The following APPL1 variants were observed in gnomAD, a reference collection of about 807,000 sequenced individuals.
The protein encoded by APPL1 is adaptor protein, phosphotyrosine interacting with PH domain and leucine zipper 1, also known as DCC-interacting protein 13-alpha.
A neutral mutation model predicts 106.8 loss-of-function variants in APPL1; 42 were observed. The observed-to-expected ratio is 0.39, with a 90% CI of 0.31 to 0.51. The LOEUF (loss-of-function observed/expected upper bound fraction) is 0.51. Among genes scored for constraint, APPL1 ranks in the 20% least tolerant of loss-of-function variants. APPL1 has a pLI of 0.75. For missense variants in APPL1, 769 were observed against 858.2 expected, an observed-to-expected ratio of 0.90 and a Z score of 1.30; for synonymous variants, 263 against 281.8, an observed-to-expected ratio of 0.93 and a Z score of 0.67.
At position 57,269,559 on chromosome 3, in the gene APPL1, C is replaced by T. The variant is rs1234269127; in HGVS notation, c.2002C>T (p.Arg668Trp). The change falls in exon 22 of 22, where the codon CGG (arginine) becomes TGG (tryptophan). Residue 668 changes from arginine to tryptophan, a missense_variant. Physicochemically the swap from Arg to Trp is moderately radical, Grantham distance 101 (BLOSUM62 -3). Coordinates refer to ENST00000288266, the MANE Select transcript of APPL1 (RefSeq NM_012096.3). ...CCACTAGGACTTGGAAGAACAAAGTCGGTTGATAGCTGCTTCCAGTAGACC... is the reference window on the plus strand; with the variant it reads ...CCACTAGGACTTGGAAGAACAAAGTTGGTTGATAGCTGCTTCCAGTAGACC... ...QIEKDLEEQS[R>W]LIAASSRPNQ... 31 of 1,613,652 alleles carry T rather than the reference C, an allele frequency of 1.9e-5. No homozygotes were observed. Among genetic ancestry groups the T allele is most frequent in the Middle Eastern group, 1.7e-4 (1 of 6,060 alleles).
chr3:57,262,966 C>T (rs1348224338), intron 19 of APPL1, among the ~76,000 whole-genome samples: 1 of 151,744 alleles, frequency 6.6e-6, no homozygotes, highest in African/African-American at 2.4e-5. Flanking sequence ...ATTCTCCTGC[C>T]TCAGCCTCCT....
rs201817839 is a variant in APPL1, at chr3:57,249,408, G to A, written c.912G>A (p.Thr304=). ...CCTGGGACAGACAGTTTTACTTCAC[G>A]CAGGGTGGAAATTTAATGAGTCAGG... is the stretch of plus-strand genomic sequence containing the variant. The part of the protein sequence containing the change: ...SSTWDRQFYF[T]QGGNLMSQAR... Residue 304 remains threonine, a synonymous_variant, in exon 11 of 22, where the codon ACG becomes ACA. Transcript: ENST00000288266. 10 of 1,613,978 alleles carry A rather than the reference G, an allele frequency of 6.2e-6. No individual in the cohort carries two copies. Among genetic ancestry groups the A allele is most frequent in the Admixed American group, 3.3e-5 (2 of 59,990 alleles).
At chr3:57,242,591 G>T (rs1440213187) in intron 6 of APPL1, among the ~76,000 whole-genome samples, 1 of 152,094 alleles carries the variant, frequency 6.6e-6, no homozygotes, top group African/African-American at 2.4e-5. Context: ...TCTAAGCTGC[G>T]TTTGCTATTT....
intron 1 of APPL1, among the ~76,000 whole-genome samples, chr3:57,232,719 T>C (rs970410536): frequency 6.6e-6 from 1 of 152,068 alleles, no homozygotes; most frequent in African/African-American, 2.4e-5. Context: ...AAGTGGTTCA[T>C]GGGCCCGGTG....
intron 14 of APPL1, 42 bp downstream of exon 14, chr3:57,257,093 A>G (rs757782132): frequency 5.0e-6 from 8 of 1,589,426 alleles, no homozygotes; most frequent in South Asian, 3.3e-5. Context: ...GAGATGGGCT[A>G]TTTAAAGTAT....
chr3:57,262,686 G>C (rs1190372137), intron 19 of APPL1, among the ~76,000 whole-genome samples: 13 of 150,668 alleles, frequency 8.6e-5, no homozygotes, highest in Admixed American at 7.3e-4. Flanking sequence ...ACACCCAGCT[G>C]GAAAAAGAAC....
rs148516206 is a variant in APPL1, at chr3:57,249,364, A to G, written c.868A>G (p.Thr290Ala). ...KAGYLNARNK[T>A]GLVSSTWDRQ... is the part of the protein sequence containing the mutation. Reference sequence around the variant, plus strand: ...GAATGTGCTTTCTTCATTCAGTAAAACAGGCTTGGTGTCATCTACCTGGGA... The same window carrying G: ...GAATGTGCTTTCTTCATTCAGTAAAGCAGGCTTGGTGTCATCTACCTGGGA... Residue 290 changes from threonine (T) to alanine (A), a missense_variant, in exon 11 of 22, where the codon ACA (threonine) becomes GCA (alanine). By Grantham distance (58) the Thr-to-Ala change is moderately conservative (BLOSUM62 0). Transcript: ENST00000288266. 1.8e-5 allele frequency: 29 copies of G among 1,614,072 alleles called. No individual in the cohort carries two copies. The African/African-American group carries it at 3.9e-4, about 22-fold the overall frequency.
chr3:57,227,876 C>A lies in APPL1; in HGVS notation c.-8C>A. 1 of 1,463,106 alleles carries A rather than the reference C, an allele frequency of 6.8e-7. No individual in the cohort carries two copies. The allele number at this position is 1,463,106 out of a possible 1,614,324, so 90.6% of individuals were successfully genotyped here. A position where few individuals can be genotyped will look rare whatever the true frequency, so the allele number is the denominator to read the frequency against. On this transcript the variant is annotated 5_prime_UTR_variant, in exon 1 of 22. Transcript: ENST00000288266. ...TGCGTCTCCTGCCACCGCCCTCCCT[C>A]CGCCACGATGCCGGGGATCGACAAG... is the stretch of plus-strand genomic sequence containing the variant.
Position 57,246,176 on chromosome 3 carries a change from A to G in APPL1, c.575A>G (p.Lys192Arg). ...GCATTAAATACTCTTCAGTACAAGA[A>G]GAAAATAGCATTGTTAGAACCTCTA... ...FCALNTLQYK[K>R]KIALLEPLLG... Residue 192 changes from lysine (K) to arginine (R), a missense_variant, in exon 8 of 22, where the codon AAG becomes AGG. Coordinates refer to ENST00000288266, the MANE Select transcript of APPL1 (RefSeq NM_012096.3). 6.2e-7 allele frequency: 1 copy of G among 1,611,190 alleles called. No homozygotes were observed. Among genetic ancestry groups the G allele is most frequent in the Non-Finnish European group, 8.5e-7 (1 of 1,178,994 alleles).
chr3:57,246,403 T>C lies in APPL1; in HGVS notation c.621+181T>C, dbSNP rs563663357. Among the ~76,000 whole-genome samples, 30 of 152,336 alleles carry C rather than the reference T, an allele frequency of 2.0e-4. 1 individual carries two copies. In the South Asian group the frequency reaches 6.2e-3, roughly 32 times the overall value. On this transcript the variant is annotated intron_variant, in intron 8 of 21. Coordinates refer to ENST00000288266, the MANE Select transcript of APPL1 (RefSeq NM_012096.3). The stretch of plus-strand genomic sequence containing the variant: ...ATTTTAAGGAAGTTAGGAAGAATGG[T>C]TTTCCTTGCAAATGAAGATTTCAAA...
At chr3:57,251,820 C>T (rs182375995) in intron 11 of APPL1, among the ~76,000 whole-genome samples, 6 of 151,424 alleles carry the variant, frequency 4.0e-5, no homozygotes, top group Admixed American at 6.6e-5. Context: ...TATAGAAAAG[C>T]GAAATAATGA....
At chr3:57,238,646 A>G (rs930273515) in intron 4 of APPL1, among the ~76,000 whole-genome samples, 1 of 152,230 alleles carries the variant, frequency 6.6e-6, no homozygotes, top group Admixed American at 6.5e-5. Context: ...CACATGGACC[A>G]TTCGATAGTC....
At position 57,271,140 on chromosome 3, in the gene APPL1, T is replaced by C. The variant is rs2060935487; in HGVS notation, c.*1453T>C. 6.6e-6 allele frequency: 1 copy of C among 152,438 alleles called. No individual in the cohort carries two copies. The highest frequency in any genetic ancestry group is 1.5e-5 in the Non-Finnish European group (1 of 67,966). The allele number at this position is 152,438 out of a possible 1,614,324, so 9.4% of individuals were successfully genotyped here. A position where few individuals can be genotyped will look rare whatever the true frequency, so the allele number is the denominator to read the frequency against. On this transcript the variant is annotated 3_prime_UTR_variant, in exon 22 of 22. Coordinates refer to ENST00000288266, the MANE Select transcript of APPL1 (RefSeq NM_012096.3). ...TTTACAAGGGAAAAAGCCTTTTTTT[T>C]TCTTTGATATACAGTTTTTTCTTCT...
chr3:57,249,330 T>C (rs376996589), intron 10 of APPL1, 30 bp from the exon 11 acceptor site: 37 of 1,612,262 alleles, frequency 2.3e-5, no homozygotes, highest in Non-Finnish European at 3.0e-5. Flanking sequence ...TATGTTGTTA[T>C]TAAAGAGTGA....
At chr3:57,244,152 G>A (rs2060760514) in intron 7 of APPL1, among the ~76,000 whole-genome samples, 1 of 151,674 alleles carries the variant, frequency 6.6e-6, no homozygotes, top group South Asian at 2.1e-4. Context: ...ATTGGGAAAG[G>A]TTACACTTTT....
At position 57,238,104 on chromosome 3, in the gene APPL1, A is replaced by G. The variant is rs746929864; in HGVS notation, c.273A>G (p.Lys91=). 1 of 1,610,224 alleles carries G rather than the reference A, an allele frequency of 6.2e-7. No individual in the cohort carries two copies. Among genetic ancestry groups the G allele is most frequent in the Admixed American group, 1.7e-5 (1 of 59,632 alleles). ...GCTCTACATTGCAACAGTTTTCAAAAGTTATAGATGAGGTAAACGTTTATT... is the reference window on the plus strand; with the variant it reads ...GCTCTACATTGCAACAGTTTTCAAAGGTTATAGATGAGGTAAACGTTTATT... ...VMSSTLQQFS[K]VIDELSSCHA... The change falls in exon 4 of 22, where the codon AAA becomes AAG. Residue 91 remains lysine, a synonymous_variant. Transcript: ENST00000288266.
chr3:57,231,026 T>A (rs2060683987), intron 1 of APPL1, among the ~76,000 whole-genome samples: 1 of 151,284 alleles, frequency 6.6e-6, no homozygotes, highest in East Asian at 2.0e-4. Flanking sequence ...GCCTCCCAAG[T>A]AGCCCAACTA....
At chr3:57,265,727 T>G (rs770957371) in intron 19 of APPL1, among the ~76,000 whole-genome samples, 1 of 152,190 alleles carries the variant, frequency 6.6e-6, no homozygotes, top group Non-Finnish European at 1.5e-5. Context: ...TCCTTTACAA[T>G]TTGGATGCCT....
intron 11 of APPL1, 96 bp from the exon 12 acceptor site, chr3:57,252,173 T>G (rs2060808612): frequency 3.1e-6 from 3 of 968,052 alleles, no homozygotes; most frequent in South Asian, 3.1e-5. Context: ...TCGATTTTTA[T>G]ATATGCCTTT....
Sources: gnomAD v4.1 joint callset for allele counts (sites outside exome capture counted in the v4.1 genomes callset) on GRCh38, gnomAD v4.1.1 for gene constraint, MANE v1.5 for transcripts, NCBI Gene and HGNC (gene_info 2026-07-23, HGNC 2026-07-21) for gene names.